Variants in DPYD observed in about 807,000 individuals in gnomAD.
DPYD encodes dihydropyrimidine dehydrogenase.
Under a neutral mutation model 116.2 loss-of-function variants are expected in DPYD, and 109 were observed. The ratio of observed to expected loss-of-function variants is 0.94; its 90% CI spans 0.80 to 1.10. The LOEUF (loss-of-function observed/expected upper bound fraction) is 1.10, where lower values mean the gene tolerates loss of function less well. DPYD is among the 50% of genes least tolerant of loss of function. DPYD has a pLI of 0.00. For synonymous variants in DPYD, 440 were observed against 432.0 expected, an observed-to-expected ratio of 1.02 and a Z score of -0.23; for missense variants, 1,302 against 1,254.5, an observed-to-expected ratio of 1.04 and a Z score of -0.57.
chr1:97,130,746 T>C (rs1653227007), intron 20 of DPYD, among the ~76,000 whole-genome samples: 3 of 46,662 alleles, frequency 6.4e-5, no homozygotes, highest in African/African-American at 1.6e-4. Context: ...TTCTTTCTTC[T>C]TTCTCCCTTC....
chr1:97,113,979 T>C (rs1651784074), intron 20 of DPYD, among the ~76,000 whole-genome samples: 1 of 152,110 alleles, frequency 6.6e-6, no homozygotes, highest in South Asian at 2.1e-4. Context: ...CTTCTCATCA[T>C]TGTTAGTAGC....
At chr1:97,696,632 G>GT (rs1455556348) in intron 6 of DPYD, among the ~76,000 whole-genome samples, 1 of 151,670 alleles carries the variant, frequency 6.6e-6, no homozygotes, top group Non-Finnish European at 1.5e-5. Context: ...TCTTGTAATC[G>GT]TAAGTCCTTT....
At chr1:97,222,457 T>C (rs1292150975) in intron 19 of DPYD, among the ~76,000 whole-genome samples, 1 of 152,132 alleles carries the variant, frequency 6.6e-6, no homozygotes, top group African/African-American at 2.4e-5. Flanking sequence ...TAGATGTTAA[T>C]CTTTCTATCA....
At chr1:97,861,293 G>GA (rs953913609) in intron 2 of DPYD, among the ~76,000 whole-genome samples, 3 of 151,040 alleles carry the variant, frequency 2.0e-5, no homozygotes, top group African/African-American at 7.3e-5. Context: ...AACTCAGGAA[G>GA]AAAAAAAGAC....
intron 2 of DPYD, among the ~76,000 whole-genome samples, chr1:97,847,993 A>G (rs1239098552): frequency 6.6e-6 from 1 of 152,214 alleles, no homozygotes; most frequent in African/African-American, 2.4e-5. Context: ...AAACCCACAA[A>G]GAACATACAA....
intron 18 of DPYD, among the ~76,000 whole-genome samples, chr1:97,277,406 C>T (rs1303017198): frequency 2.7e-5 from 4 of 149,150 alleles, no homozygotes; most frequent in African/African-American, 7.7e-5. Flanking sequence ...AAACACAAAA[C>T]AAACAAATAA....
intron 11 of DPYD, among the ~76,000 whole-genome samples, chr1:97,573,406 T>G (rs1309613655): frequency 6.6e-6 from 1 of 152,090 alleles, no homozygotes; most frequent in African/African-American, 2.4e-5. Context: ...TCTGAATCAT[T>G]GAAGACTGGC....
At chr1:97,403,538 T>A (rs1673485915) in intron 14 of DPYD, among the ~76,000 whole-genome samples, 1 of 152,002 alleles carries the variant, frequency 6.6e-6, no homozygotes, top group African/African-American at 2.4e-5. Context: ...CCTGTGTGAG[T>A]TTTGGCAGTT....
At chr1:97,811,068 C>T (rs573059736) in intron 3 of DPYD, among the ~76,000 whole-genome samples, 30 of 152,190 alleles carry the variant, frequency 2.0e-4, no homozygotes, top group African/African-American at 7.2e-4. Context: ...AGCCTATATC[C>T]ACTTACCCTT....
At chr1:97,252,658 A>G (rs1448455486) in intron 18 of DPYD, among the ~76,000 whole-genome samples, 6 of 152,180 alleles carry the variant, frequency 3.9e-5, no homozygotes, top group Non-Finnish European at 8.8e-5. Context: ...AAACCGCTAT[A>G]TACTGTTTTT....
In DPYD at chr1:97,195,634, GTATATATA is replaced by G. The variant is rs71071637; in HGVS notation, c.2443-2394_2443-2387del. ...TATATATGTATGTGTATATGTATGT[GTATATATA>G]TATATATATATATATATATATATAT... On this transcript the variant is annotated intron_variant, in intron 19 of 22. Coordinates refer to ENST00000370192, the MANE Select transcript of DPYD (RefSeq NM_000110.4). 3.4e-3 allele frequency among the ~76,000 whole-genome samples: 194 copies of G among 57,638 alleles called. 7 individuals are homozygous for G. Among genetic ancestry groups the G allele is most frequent in the East Asian group, 0.016 (25 of 1,576 alleles). The allele number at this position is 57,638 out of a possible 152,430, so 37.8% of individuals were successfully genotyped here.
chr1:97,643,616 C>T (rs1379634829), intron 8 of DPYD, among the ~76,000 whole-genome samples: 1 of 152,006 alleles, frequency 6.6e-6, no homozygotes, highest in Non-Finnish European at 1.5e-5. Flanking sequence ...AATCATTCTA[C>T]TATAGACACA....
chr1:97,778,724 G>A (rs1666564563), intron 3 of DPYD, among the ~76,000 whole-genome samples: 1 of 152,114 alleles, frequency 6.6e-6, no homozygotes, highest in African/African-American at 2.4e-5. Context: ...TAGCTAGGGT[G>A]AAGGAAAAGG....
chr1:97,551,606 T>C (rs1245575883), intron 11 of DPYD, among the ~76,000 whole-genome samples: 1 of 152,130 alleles, frequency 6.6e-6, no homozygotes, highest in African/African-American at 2.4e-5. Flanking sequence ...TCAAAGCATT[T>C]TTTTTTACAT....
chr1:97,104,211 T>C (rs1270659544), intron 20 of DPYD, among the ~76,000 whole-genome samples: 1 of 152,174 alleles, frequency 6.6e-6, no homozygotes, highest in Non-Finnish European at 1.5e-5. Context: ...CAAAGCTTAA[T>C]GAATGAATGA....
At chr1:97,638,764 G>C (rs1657712827) in intron 8 of DPYD, among the ~76,000 whole-genome samples, 1 of 152,044 alleles carries the variant, frequency 6.6e-6, no homozygotes, top group South Asian at 2.1e-4. Context: ...GAGAAAGGAG[G>C]AAGTGTCGGG....
chr1:97,752,523 T>G (rs1664990738), intron 3 of DPYD, among the ~76,000 whole-genome samples: 1 of 152,226 alleles, frequency 6.6e-6, no homozygotes. Flanking sequence ...AGAATCTTGG[T>G]ACAATATTAT....
intron 5 of DPYD, among the ~76,000 whole-genome samples, chr1:97,702,906 A>G (rs1195227539): frequency 6.6e-6 from 1 of 152,040 alleles, no homozygotes; most frequent in Non-Finnish European, 1.5e-5. Flanking sequence ...ATCCCTATTA[A>G]GTACCCAACA....
intron 12 of DPYD, among the ~76,000 whole-genome samples, chr1:97,520,986 T>G (rs1383111259): frequency 3.9e-5 from 6 of 152,196 alleles, no homozygotes; most frequent in Non-Finnish European, 8.8e-5. Flanking sequence ...TTTGGGTATA[T>G]ACTTAGTAAT....
Sources: allele counts gnomAD v4.1 joint callset (sites outside exome capture counted in the v4.1 genomes callset), GRCh38; gene constraint gnomAD v4.1.1; transcripts MANE v1.5; gene names NCBI Gene and HGNC (gene_info 2026-07-23, HGNC 2026-07-21).